CLPB: variants seen among roughly 807,000 people sequenced by gnomAD.
CLPB encodes the protein mitochondrial disaggregase.
Under a neutral mutation model 78.4 loss-of-function variants are expected in CLPB, and 40 were observed. That is an observed-to-expected ratio of 0.51 (90% CI 0.40 to 0.66). The LOEUF is 0.66. Ranked by LOEUF, CLPB falls within the 30% of genes least tolerant of loss-of-function variation. CLPB has a pLI of 0.00. For synonymous variants in CLPB, 333 were observed against 348.0 expected, an observed-to-expected ratio of 0.96 and a Z score of 0.48; for missense variants, 780 against 886.9, an observed-to-expected ratio of 0.88 and a Z score of 1.53.
At chr11:72,333,963 G>A (rs950372234) in intron 5 of CLPB, among the ~76,000 whole-genome samples, 23 of 152,186 alleles carry the variant, frequency 1.5e-4, no homozygotes, top group African/African-American at 5.5e-4. Flanking sequence ...TGCAGTGGAA[G>A]GGAGGGTTAG....
chr11:72,417,256 A>T (rs1007808814), intron 2 of CLPB, among the ~76,000 whole-genome samples: 4 of 152,274 alleles, frequency 2.6e-5, no homozygotes, highest in Admixed American at 2.0e-4. Flanking sequence ...ATTCAGCCAC[A>T]AAAAGGAATA....
At chr11:72,322,629 A>G (rs1375726635) in intron 6 of CLPB, among the ~76,000 whole-genome samples, 1 of 152,224 alleles carries the variant, frequency 6.6e-6, no homozygotes, top group African/African-American at 2.4e-5. Context: ...GAAGCTTGGT[A>G]AGGGCTCTAT....
chr11:72,401,462 G>T (rs1855559190), intron 3 of CLPB, among the ~76,000 whole-genome samples: 1 of 151,674 alleles, frequency 6.6e-6, no homozygotes, highest in African/African-American at 2.4e-5. Flanking sequence ...TAAATAAATA[G>T]TAAAAGAAAA....
chr11:72,425,668 G>A (rs1047604008), intron 2 of CLPB, among the ~76,000 whole-genome samples: 3 of 152,136 alleles, frequency 2.0e-5, no homozygotes, highest in African/African-American at 4.8e-5. Flanking sequence ...CGACCAGGTC[G>A]CTACCTGTCT....
Position 72,294,390 on chromosome 11 carries a change from G to GGAAGTAGA in CLPB, c.1607_1614dup (p.Leu539SerfsTer19). 6.2e-7 allele frequency: 1 copy of GGAAGTAGA among 1,614,234 alleles called. No individual in the cohort carries two copies. ...ATGAGCTCCGAGTGGCAGAAGGGGAGGAAGTAGACGATCTCATTGATCCGT... is the reference window on the plus strand; with the variant it reads ...ATGAGCTCCGAGTGGCAGAAGGGGAGGAAGTAGAGAAGTAGACGATCTCATTGATCCGT... On this transcript the variant is annotated frameshift_variant, in exon 14 of 16. Coordinates refer to ENST00000538039, the MANE Select transcript of CLPB (RefSeq NM_001258392.3). LOFTEE classifies it high-confidence loss of function.
chr11:72,402,606 A>G (rs909447725), intron 3 of CLPB, among the ~76,000 whole-genome samples: 2 of 152,208 alleles, frequency 1.3e-5, no homozygotes, highest in Non-Finnish European at 2.9e-5. Context: ...CACTGGGGAC[A>G]GTAACTGCAG....
intron 5 of CLPB, among the ~76,000 whole-genome samples, chr11:72,338,482 T>C (rs1020529356): frequency 6.6e-6 from 1 of 152,166 alleles, no homozygotes; most frequent in South Asian, 2.1e-4. Flanking sequence ...GCCCACCCCA[T>C]AGCTTTCACT....
chr11:72,393,898 T>TG (rs1855326426), intron 3 of CLPB, among the ~76,000 whole-genome samples: 1 of 152,196 alleles, frequency 6.6e-6, no homozygotes, highest in Admixed American at 6.5e-5. Flanking sequence ...ATGTCCCCTA[T>TG]TTTTTCACCC....
intron 4 of CLPB, among the ~76,000 whole-genome samples, chr11:72,361,289 G>A (rs1230249945): frequency 6.6e-6 from 1 of 152,156 alleles, no homozygotes; most frequent in Admixed American, 6.5e-5. Context: ...TCCTGCCCCA[G>A]GAGTGTTATC....
intron 6 of CLPB, among the ~76,000 whole-genome samples, chr11:72,320,943 C>G (rs868643460): frequency 5.3e-5 from 8 of 152,136 alleles, no homozygotes; most frequent in Non-Finnish European, 1.0e-4. Flanking sequence ...GAACTCCTGA[C>G]CTCAGGTGAT....
intron 11 of CLPB, among the ~76,000 whole-genome samples, chr11:72,301,128 G>A (rs1949647472): frequency 6.6e-6 from 1 of 152,200 alleles, no homozygotes; most frequent in Non-Finnish European, 1.5e-5. Context: ...GTGAGGATTA[G>A]TGATAATGGC....
intron 2 of CLPB, among the ~76,000 whole-genome samples, chr11:72,423,824 TC>T (rs1482693823): frequency 6.6e-6 from 1 of 152,148 alleles, no homozygotes; most frequent in Non-Finnish European, 1.5e-5. Flanking sequence ...GACACCACTC[TC>T]CCCCTTGCTT....
At chr11:72,302,585 A>G in intron 9 of CLPB, 2 of 496,774 alleles carry the variant, frequency 4.0e-6, no homozygotes, top group Non-Finnish European at 7.4e-6. Context: ...TGACCTTCTA[A>G]ATCTGACTTG....
intron 2 of CLPB, among the ~76,000 whole-genome samples, chr11:72,415,579 T>C (rs1031890971): frequency 6.6e-6 from 1 of 152,228 alleles, no homozygotes; most frequent in Non-Finnish European, 1.5e-5. Context: ...TACTTTCACA[T>C]AGTACATATT....
chr11:72,408,669 A>C (rs1855784607), intron 2 of CLPB, among the ~76,000 whole-genome samples: 1 of 122,374 alleles, frequency 8.2e-6, no homozygotes, highest in Non-Finnish European at 1.6e-5. Context: ...TCTGTCTCAA[A>C]AAAAAAAAAA....
chr11:72,292,294 T>G lies in CLPB; in HGVS notation c.*1073A>C, dbSNP rs950256786. The G allele has an allele frequency of 2.0e-5, 3 of 152,252 alleles. No individual in the cohort carries two copies. In the South Asian group the frequency reaches 6.2e-4, roughly 31 times the overall value. 9.4% of individuals were successfully genotyped at this position (152,252 alleles called of 1,614,324 possible). On this transcript the variant is annotated 3_prime_UTR_variant, in exon 16 of 16. Coordinates refer to ENST00000538039, the MANE Select transcript of CLPB (RefSeq NM_001258392.3). ...GGCCTGTGGGGGAAGGTGGGTGGACTGCTTATCAGCAGTGGCTACTGTAGA... is the reference window on the plus strand; with the variant it reads ...GGCCTGTGGGGGAAGGTGGGTGGACGGCTTATCAGCAGTGGCTACTGTAGA...
intron 2 of CLPB, among the ~76,000 whole-genome samples, chr11:72,407,024 C>T (rs1306385494): frequency 6.6e-6 from 1 of 152,200 alleles, no homozygotes; most frequent in East Asian, 1.9e-4. Flanking sequence ...TGTTGCATAA[C>T]TCCCCACGGT....
Position 72,402,951 on chromosome 11 carries a change from A to C in CLPB, c.542+15T>G, listed in dbSNP as rs775474060. On this transcript the variant is annotated intron_variant, in intron 3 of 15. Coordinates refer to ENST00000538039, the MANE Select transcript of CLPB (RefSeq NM_001258392.3). The stretch of plus-strand genomic sequence containing the variant: ...ATCTGCCTAAAGGAGCCCTGTGTGG[A>C]AGGTGGTCTCTCACCTGTTGTTTCG... 6.2e-7 allele frequency: 1 copy of C among 1,611,438 alleles called. No individual in the cohort carries two copies. Among genetic ancestry groups the C allele is most frequent in the South Asian group, 1.1e-5 (1 of 90,988 alleles).
rs1590770107 is a variant in CLPB at position 72,306,138 on chromosome 11, A to T, written c.1122+1061T>A. ...CCTGCTTGTCAAGTGGGTCTGCTCC[A>T]GGTTTGGTGGAGGCAGAGCACAGCT... On this transcript the variant is annotated intron_variant, in intron 9 of 15. Coordinates refer to ENST00000538039, the MANE Select transcript of CLPB (RefSeq NM_001258392.3). 9.2e-5 allele frequency among the ~76,000 whole-genome samples: 14 copies of T among 152,316 alleles called. 1 individual carries two copies. In the South Asian group the frequency reaches 2.9e-3, roughly 32 times the overall value.
Sources: allele counts gnomAD v4.1 joint callset (sites outside exome capture counted in the v4.1 genomes callset), GRCh38; gene constraint gnomAD v4.1.1; transcripts MANE v1.5; gene names NCBI Gene and HGNC (gene_info 2026-07-23, HGNC 2026-07-21).